Variants in VPS13C observed in about 807,000 individuals in gnomAD.
VPS13C encodes intermembrane lipid transfer protein VPS13C.
VPS13C carries 358 observed loss-of-function variants against 456.8 expected under a neutral mutation model. The observed-to-expected ratio is 0.78, with a 90% CI of 0.72 to 0.86. VPS13C has a LOEUF of 0.86. Ranked by LOEUF, VPS13C falls within the 40% of genes least tolerant of loss-of-function variation. The pLI is 0.00. For synonymous variants in VPS13C, 1,578 were observed against 1,486.7 expected, an observed-to-expected ratio of 1.06 and a Z score of -1.41; for missense variants, 4,818 against 4,385.4, an observed-to-expected ratio of 1.10 and a Z score of -2.79.
At chr15:61,989,227 CAA>C (rs750998024) in intron 18 of VPS13C, among the ~76,000 whole-genome samples, 5 of 99,148 alleles carry the variant, frequency 5.0e-5, no homozygotes, top group Admixed American at 1.1e-4. Flanking sequence ...CCTGTCTCTA[CAA>C]AAAAAAAAAA....
Position 61,964,725 on chromosome 15 carries a change from T to C in VPS13C, c.3188A>G (p.Gln1063Arg). Reference protein sequence around the residue: ...AKEVQISTEKQQKNSTLPKAI... With the variant: ...AKEVQISTEKRQKNSTLPKAI... ...TTTTGGCAGAGTTGAATTTTTTTGT[T>C]GTTTTTCAGTTGAAATTTGTACCTC... The change falls in exon 31 of 85, where the codon CAA (glutamine) becomes CGA (arginine). Residue 1063 changes from glutamine (Q) to arginine (R), a missense_variant. By Grantham distance (43) the Gln-to-Arg change is conservative. This residue lies in a region of VPS13C where 4,552 missense variants were observed against 4,130.6 expected (regional missense o/e 1.10). Coordinates refer to ENST00000644861, the MANE Select transcript of VPS13C (RefSeq NM_020821.3). 6.2e-7 allele frequency: 1 copy of C among 1,606,100 alleles called. No homozygotes were observed. The highest frequency in any genetic ancestry group is 8.5e-7 in the Non-Finnish European group (1 of 1,177,324).
chr15:62,042,868 A>G (rs2048285982), intron 2 of VPS13C, among the ~76,000 whole-genome samples: 2 of 151,758 alleles, frequency 1.3e-5, no homozygotes, highest in Non-Finnish European at 2.9e-5. Flanking sequence ...ATACATAGGT[A>G]ACAAACCTGC....
rs2045259088 is a variant in VPS13C, at chr15:61,962,920, C to A, written c.3332-68G>T. On this transcript the variant is annotated intron_variant, in intron 32 of 84. Coordinates refer to ENST00000644861, the MANE Select transcript of VPS13C (RefSeq NM_020821.3). ...ATAAATAAGATCTTTCTTTCCATTACATTATTTTATTTTGGGGTGACTTTT... is the reference window on the plus strand; with the variant it reads ...ATAAATAAGATCTTTCTTTCCATTAAATTATTTTATTTTGGGGTGACTTTT... The A allele has an allele frequency of 6.2e-6, 7 of 1,120,806 alleles. No individual in the cohort carries two copies. In the South Asian group the frequency reaches 1.6e-4, roughly 25 times the overall value. The allele number at this position is 1,120,806 out of a possible 1,614,324, so 69.4% of individuals were successfully genotyped here. A position where few individuals can be genotyped will look rare whatever the true frequency, so the allele number is the denominator to read the frequency against.
intron 15 of VPS13C, among the ~76,000 whole-genome samples, chr15:62,006,186 G>T (rs1277164306): frequency 6.6e-6 from 1 of 151,702 alleles, no homozygotes; most frequent in African/African-American, 2.4e-5. Context: ...CATGTGCCAT[G>T]TTGGTGTGCT....
At chr15:62,001,953 A>G (rs1488933170) in intron 15 of VPS13C, among the ~76,000 whole-genome samples, 3 of 152,094 alleles carry the variant, frequency 2.0e-5, no homozygotes, top group Non-Finnish European at 4.4e-5. Context: ...AGTCTTTGCT[A>G]TTGTGAATAA....
At chr15:62,047,580 C>G (rs1567147727) in intron 1 of VPS13C, among the ~76,000 whole-genome samples, 1 of 152,166 alleles carries the variant, frequency 6.6e-6, no homozygotes, top group Non-Finnish European at 1.5e-5. Context: ...GTTATTTGCA[C>G]TGAAGGAGGA....
chr15:62,037,067 G>A (rs778760630), intron 3 of VPS13C, among the ~76,000 whole-genome samples: 7 of 146,646 alleles, frequency 4.8e-5, no homozygotes, highest in Non-Finnish European at 7.5e-5. Flanking sequence ...ATAACTCAAT[G>A]GGTAACAGTG....
At chr15:61,884,063 T>A (rs1225595237) in intron 68 of VPS13C, 65 bp downstream of exon 68, 8 of 1,470,026 alleles carry the variant, frequency 5.4e-6, no homozygotes, top group Non-Finnish European at 7.3e-6. Flanking sequence ...GCATTACAAT[T>A]TTACTTACTA....
In VPS13C at chr15:62,049,214, T is replaced by A. The variant is rs1434165996; in HGVS notation, c.101-4959A>T. Among the ~76,000 whole-genome samples, 45 of 152,228 alleles carry A rather than the reference T, an allele frequency of 3.0e-4. 1 individual carries two copies. The highest frequency in any genetic ancestry group is 3.3e-4 in the Admixed American group (5 of 15,288). ...CCTGAATGGTATTGCCTAGGTTTTCTTCTAGGGTTTTTATGGTTTTAGGTC... is the reference window on the plus strand; with the variant it reads ...CCTGAATGGTATTGCCTAGGTTTTCATCTAGGGTTTTTATGGTTTTAGGTC... On this transcript the variant is annotated intron_variant, in intron 1 of 84. Coordinates refer to ENST00000644861, the MANE Select transcript of VPS13C (RefSeq NM_020821.3).
chr15:61,867,841 C>G lies in VPS13C; in HGVS notation c.10863+818G>C. ...TTAAAGAAAATTTCATTAAAATTGACAATGGAATTCACACACAGTCAATTA... is the reference window on the plus strand; with the variant it reads ...TTAAAGAAAATTTCATTAAAATTGAGAATGGAATTCACACACAGTCAATTA... On this transcript the variant is annotated intron_variant, in intron 81 of 84. Transcript: ENST00000644861. This position sits in a 1 kb window ranked among gnomAD's most constrained non-coding sequence, Gnocchi z 5.0. 4.5e-6 allele frequency: 7 copies of G among 1,554,296 alleles called. No homozygotes were observed. The highest frequency in any genetic ancestry group is 6.1e-6 in the Non-Finnish European group (7 of 1,152,202).
intron 82 of VPS13C, among the ~76,000 whole-genome samples, chr15:61,862,552 T>C (rs1383541610): frequency 2.0e-5 from 3 of 152,146 alleles, no homozygotes; most frequent in Admixed American, 2.0e-4. Flanking sequence ...CAAAAAAACA[T>C]TGTTTTTGGC....
At chr15:62,034,449 ATTAC>A (rs1047866750) in intron 4 of VPS13C, among the ~76,000 whole-genome samples, 2 of 151,772 alleles carry the variant, frequency 1.3e-5, no homozygotes, top group Non-Finnish European at 3.0e-5. Context: ...TAATAAAGAT[ATTAC>A]TTAAACATCA....
At chr15:61,898,104 G>A (rs887791582) in intron 66 of VPS13C, among the ~76,000 whole-genome samples, 21 of 151,782 alleles carry the variant, frequency 1.4e-4, no homozygotes, top group African/African-American at 3.4e-4. Context: ...TGAAGGAAGC[G>A]CTAAACATGG....
Position 61,909,134 on chromosome 15 carries a change from G to GAAA in VPS13C, c.8845-12_8845-10dup. 1.4e-6 allele frequency: 2 copies of GAAA among 1,449,138 alleles called. No individual in the cohort carries two copies. Among genetic ancestry groups the GAAA allele is most frequent in the South Asian group, 2.6e-5 (2 of 77,874 alleles). 89.8% of individuals were successfully genotyped at this position (1,449,138 alleles called of 1,614,324 possible). On this transcript the variant is annotated splice_polypyrimidine_tract_variant and intron_variant, in intron 64 of 84. Transcript: ENST00000644861. The stretch of plus-strand genomic sequence containing the variant: ...ACCAAGATACCCCCATTCTATTGTA[G>GAAA]AAAAAAAAAAAGTATGTTTGATGTA...
intron 9 of VPS13C, among the ~76,000 whole-genome samples, chr15:62,015,679 A>G (rs1235599716): frequency 7.2e-6 from 1 of 138,780 alleles, no homozygotes; most frequent in Non-Finnish European, 1.5e-5. Flanking sequence ...CGCAAGAACA[A>G]AAAACCAAAC....
intron 17 of VPS13C, 142 bp downstream of exon 17, chr15:61,991,531 G>A (rs963053768): frequency 1.5e-5 from 12 of 803,104 alleles, no homozygotes; most frequent in Non-Finnish European, 2.1e-5. Flanking sequence ...ATTCCAGCCT[G>A]ATGTATTTGC....
intron 77 of VPS13C, among the ~76,000 whole-genome samples, chr15:61,874,367 C>T (rs1049012596): frequency 8.6e-5 from 13 of 151,844 alleles, no homozygotes; most frequent in African/African-American, 3.1e-4. Flanking sequence ...GATAAATGTT[C>T]GAGGTGATAA....
chr15:61,898,059 T>C (rs1360018329), intron 66 of VPS13C, among the ~76,000 whole-genome samples: 1 of 149,964 alleles, frequency 6.7e-6, no homozygotes, highest in African/African-American at 2.5e-5. Flanking sequence ...TGCTGAGAGA[T>C]TTTGTCACCA....
At chr15:61,869,675 G>A in intron 79 of VPS13C, 52 bp from the exon 80 acceptor site, 4 of 1,606,664 alleles carry the variant, frequency 2.5e-6, no homozygotes, top group Middle Eastern at 1.7e-4. Flanking sequence ...AAATGAGCAA[G>A]TTTGAGCTCA....
Sources: allele counts gnomAD v4.1 joint callset (sites outside exome capture counted in the v4.1 genomes callset), GRCh38; gene constraint gnomAD v4.1.1; regional missense constraint gnomAD v4.1.1; non-coding constraint Gnocchi (gnomAD v3.1); transcripts MANE v1.5; gene names NCBI Gene and HGNC (gene_info 2026-07-23, HGNC 2026-07-21).